Variants in MLLT10 observed in about 807,000 individuals in gnomAD.
MLLT10 encodes the protein MLLT10 histone lysine methyltransferase DOT1L cofactor, also known as protein AF-10.
In MLLT10, 30 loss-of-function variants were observed where a neutral mutation model predicts 129.1. That is an observed-to-expected ratio of 0.23 (90% confidence interval 0.17 to 0.32). The LOEUF is 0.32. MLLT10 is among the 10% of genes least tolerant of loss of function. The probability of loss-of-function intolerance (pLI) is 1.00; values close to 1 mark genes in which losing one functional copy is unlikely to be tolerated. For synonymous variants in MLLT10, 490 were observed against 446.4 expected (o/e 1.10, Z -1.23); for missense variants, 1,119 against 1,268.3 (o/e 0.88, Z 1.79).
upstream of MLLT10, chr10:21,534,144 G>C (rs1392022771): frequency 1.1e-5 from 4 of 359,592 alleles, no homozygotes; most frequent in African/African-American, 6.3e-5. Context: ...CCCGGAGGTA[G>C]GCCGGGGGCA....
At chr10:21,558,389 G>A (rs1348063354) in intron 3 of MLLT10, among the ~76,000 whole-genome samples, 1 of 151,972 alleles carries the variant, frequency 6.6e-6, no homozygotes, top group Non-Finnish European at 1.5e-5. Flanking sequence ...CTTTAAGGGT[G>A]CAGTGAGCTA....
chr10:21,622,190 C>G (rs925429786), intron 8 of MLLT10, among the ~76,000 whole-genome samples: 12 of 128,662 alleles, frequency 9.3e-5, no homozygotes, highest in African/African-American at 3.6e-4. Context: ...TGAAGTATCG[C>G]TCTGTTACGC....
intron 15 of MLLT10, among the ~76,000 whole-genome samples, 183 bp from the exon 16 acceptor site, chr10:21,727,673 A>C (rs2057625059): frequency 6.6e-6 from 1 of 152,096 alleles, no homozygotes; most frequent in African/African-American, 2.4e-5. Flanking sequence ...TGTAGGGACA[A>C]CGCCTTACAT....
At chr10:21,612,194 T>C (rs2044726292) in intron 5 of MLLT10, among the ~76,000 whole-genome samples, 154 bp from the exon 6 acceptor site, 1 of 152,210 alleles carries the variant, frequency 6.6e-6, no homozygotes, top group Non-Finnish European at 1.5e-5. Context: ...TTGTATTGTA[T>C]GCAAAAATTA....
At position 21,555,502 on chromosome 10, in the gene MLLT10, C is replaced by T. The variant is rs561916672; in HGVS notation, c.240+16590C>T. ...CCTCCCAAAGTGCTGGGATTACAGG[C>T]GTGAGTCACAATGCCTGGCTGATAC... On this transcript the variant is annotated intron_variant, in intron 3 of 22. Coordinates refer to ENST00000307729, the MANE Select transcript of MLLT10 (RefSeq NM_001195626.3). 3.3e-5 allele frequency among the ~76,000 whole-genome samples: 5 copies of T among 151,692 alleles called. No homozygotes were observed. In the East Asian group the frequency reaches 9.8e-4, roughly 30 times the overall value.
chr10:21,628,477 C>T (rs983937800), intron 8 of MLLT10, among the ~76,000 whole-genome samples: 25 of 147,312 alleles, frequency 1.7e-4, no homozygotes, highest in African/African-American at 5.8e-4. Context: ...GCTCTGTCAC[C>T]CAGGCTGGAG....
chr10:21,624,525 T>C, intron 8 of MLLT10: 1 of 1,006,192 alleles, frequency 9.9e-7, no homozygotes, highest in Non-Finnish European at 1.4e-6. Context: ...CAAAATTTTT[T>C]TTGAAGAATG....
At chr10:21,616,951 T>C (rs1380460506) in intron 7 of MLLT10, among the ~76,000 whole-genome samples, 161 bp from the exon 8 acceptor site, 1 of 152,018 alleles carries the variant, frequency 6.6e-6, no homozygotes, top group Non-Finnish European at 1.5e-5. Context: ...GGATGATATA[T>C]GAATGGTGTC....
rs1477658600 is a variant in MLLT10 at position 21,580,017 on chromosome 10, CTTTG to C, written c.241-6273_241-6270del. Among the ~76,000 whole-genome samples the C allele has an allele frequency of 9.5e-5, 14 of 148,100 alleles. No homozygotes were observed. In the East Asian group the frequency reaches 1.8e-3, roughly 19 times the overall value. On this transcript the variant is annotated intron_variant, in intron 3 of 22. Transcript: ENST00000307729. ...TCTTTGTTTTTTTGTTTTGTTTTTTCTTTGTTTTTTTTTTTTAATTTGAGATCAA... is the reference window on the plus strand; with the variant it reads ...TCTTTGTTTTTTTGTTTTGTTTTTTCTTTTTTTTTTTTAATTTGAGATCAA...
chr10:21,691,893 G>A (rs150587079), intron 13 of MLLT10, among the ~76,000 whole-genome samples: 41 of 151,670 alleles, frequency 2.7e-4, no homozygotes, highest in Middle Eastern at 3.4e-3. Context: ...GACTGGGCAC[G>A]GTGGCTCACG....
rs977365103 is a variant in MLLT10, at chr10:21,621,076, C to T, written c.699+3869C>T. ...CTCGGTTTACTGCAAGCTCCGCCTCCGGGTTCACGCCATTCTCCTGTCTCA... is the reference window on the plus strand; with the variant it reads ...CTCGGTTTACTGCAAGCTCCGCCTCTGGGTTCACGCCATTCTCCTGTCTCA... On this transcript the variant is annotated intron_variant, in intron 8 of 22. Transcript: ENST00000307729. Among the ~76,000 whole-genome samples the T allele has an allele frequency of 1.1e-4, 16 of 151,492 alleles. No homozygotes were observed. In the East Asian group the frequency reaches 2.9e-3, roughly 28 times the overall value.
At chr10:21,595,954 A>G (rs2042981160) in intron 5 of MLLT10, among the ~76,000 whole-genome samples, 1 of 151,900 alleles carries the variant, frequency 6.6e-6, no homozygotes. Flanking sequence ...CATTTAGTAC[A>G]TATATATTAT....
chr10:21,638,713 C>A (rs1457751052), intron 8 of MLLT10, among the ~76,000 whole-genome samples: 1 of 152,128 alleles, frequency 6.6e-6, no homozygotes, highest in Non-Finnish European at 1.5e-5. Context: ...ACTTGGATGA[C>A]TACATGTGGC....
Position 21,726,268 on chromosome 10 carries a change from C to G in MLLT10, c.1903C>G (p.Leu635Val), listed in dbSNP as rs1220079829. ...GGCAAATACTCTATCTGGATCTTCT[C>G]TCAGTCAGGCACCATCTCATATGTA... ...TQANTLSGSS[L>V]SQAPSHMYGN... The change falls in exon 15 of 23, where the codon CTC (leucine) becomes GTC (valine). Residue 635 changes from leucine to valine, a missense_variant. Coordinates refer to ENST00000307729, the MANE Select transcript of MLLT10 (RefSeq NM_001195626.3). 1 of 1,611,308 alleles carries G rather than the reference C, an allele frequency of 6.2e-7. No homozygotes were observed. Among genetic ancestry groups the G allele is most frequent in the Non-Finnish European group, 8.5e-7 (1 of 1,178,112 alleles).
At chr10:21,548,889 G>A (rs2036525786) in intron 3 of MLLT10, among the ~76,000 whole-genome samples, 1 of 151,984 alleles carries the variant, frequency 6.6e-6, no homozygotes. Context: ...TTATTGTAAA[G>A]ATTCTCAGAT....
intron 21 of MLLT10, among the ~76,000 whole-genome samples, chr10:21,737,766 T>G (rs1470111673): frequency 1.3e-5 from 2 of 152,104 alleles, no homozygotes; most frequent in Non-Finnish European, 1.5e-5. Context: ...TCCAGACCCA[T>G]TTCCCTAGCA....
At chr10:21,544,452 A>G (rs2035758853) in intron 3 of MLLT10, among the ~76,000 whole-genome samples, 1 of 152,194 alleles carries the variant, frequency 6.6e-6, no homozygotes, top group Non-Finnish European at 1.5e-5. Flanking sequence ...GGGGATAGCT[A>G]ACTTCTCAGG....
intron 4 of MLLT10, among the ~76,000 whole-genome samples, chr10:21,589,327 T>G (rs564079913): frequency 2.1e-4 from 32 of 151,102 alleles, no homozygotes; most frequent in Middle Eastern, 3.4e-3. Flanking sequence ...TTCCAAAGTT[T>G]TTTTTTTTTT....
At chr10:21,548,501 C>A (rs915015799) in intron 3 of MLLT10, among the ~76,000 whole-genome samples, 2 of 151,854 alleles carry the variant, frequency 1.3e-5, no homozygotes, top group African/African-American at 4.8e-5. Context: ...TCCTAAGTAG[C>A]TGGGAATACA....
Sources: allele counts gnomAD v4.1 joint callset (sites outside exome capture counted in the v4.1 genomes callset), GRCh38; gene constraint gnomAD v4.1.1; transcripts MANE v1.5; gene names NCBI Gene and HGNC (gene_info 2026-07-23, HGNC 2026-07-21).